Variants in PABIR3 observed in about 807,000 individuals in gnomAD.
PABIR3 encodes PABIR family member 1.
Under a neutral mutation model 23.1 loss-of-function variants are expected in PABIR3, and 20 were observed. The observed-to-expected ratio is 0.86, with a 90% CI of 0.61 to 1.26. PABIR3 has a LOEUF of 1.26. Among genes scored for constraint, PABIR3 ranks in the 50% most tolerant of loss-of-function variants. The probability of loss-of-function intolerance (pLI) is 0.00; values close to 1 mark genes in which losing one functional copy is unlikely to be tolerated. For missense variants in PABIR3, 189 were observed against 195.4 expected (o/e 0.97, Z 0.20); for synonymous variants, 69 against 68.5 (o/e 1.01, Z -0.04).
chrX:134,814,328 A>ATG (rs1352853829), intron 2 of PABIR3, among the ~76,000 whole-genome samples: 2 of 111,640 alleles, frequency 1.8e-5, no homozygotes, highest in African/African-American at 6.5e-5. Context: ...CCAAGGCTGT[A>ATG]TGTGTGTGTG....
At chrX:134,819,870 G>C (rs1307783764) in intron 3 of PABIR3, among the ~76,000 whole-genome samples, 3 of 111,563 alleles carry the variant, frequency 2.7e-5, no homozygotes, top group African/African-American at 9.8e-5. Flanking sequence ...GGGTGACAGA[G>C]TAAGACTCTG....
At chrX:134,822,133 C>T (rs1209749373) in intron 3 of PABIR3, 1 of 752,093 alleles carries the variant, frequency 1.3e-6, no homozygotes, top group Non-Finnish European at 1.6e-6. Context: ...GGTGCTGATA[C>T]TCTTGGTTCC....
At chrX:134,821,516 C>CA in intron 3 of PABIR3, 1 of 1,152,395 alleles carries the variant, frequency 8.7e-7, no homozygotes, top group Non-Finnish European at 1.1e-6. Context: ...GTCACTTCTC[C>CA]ATCCCCACCC....
chrX:134,859,525 C>G (rs1457064820), downstream of PABIR3, among the ~76,000 whole-genome samples: 1 of 111,173 alleles, frequency 9.0e-6, no homozygotes, highest in African/African-American at 3.3e-5. Flanking sequence ...ACAGCACTCA[C>G]CATAAAATTT....
rs1319639991 is a variant in PABIR3, at chrX:134,854,758, A to G, written c.*541A>G. ...TTGCTTATTTTGCACATGAATCCTT[A>G]GATATTCAATTTGTTGGGAAGCAGT... On this transcript the variant is annotated 3_prime_UTR_variant, in exon 11 of 11. Transcript: ENST00000645433. 1 of 112,250 alleles carries G rather than the reference A, an allele frequency of 8.9e-6. No homozygotes were observed. Among genetic ancestry groups the G allele is most frequent in the African/African-American group, 3.2e-5 (1 of 30,916 alleles). The allele number at this position is 112,250 out of a possible 1,213,427, so 9.3% of individuals were successfully genotyped here. A position where few individuals can be genotyped will look rare whatever the true frequency, so the allele number is the denominator to read the frequency against.
intron 1 of PABIR3, 39 bp from the exon 2 acceptor site, chrX:134,807,501 C>G (rs775673719): frequency 4.6e-5 from 54 of 1,162,816 alleles, no homozygotes; most frequent in Middle Eastern, 4.8e-4. Flanking sequence ...CTCTTTTTCC[C>G]CTTTGCCTCT....
At chrX:134,801,040 T>C (rs1416904136) in intron 1 of PABIR3, among the ~76,000 whole-genome samples, 1 of 112,243 alleles carries the variant, frequency 8.9e-6, no homozygotes, top group Non-Finnish European at 1.9e-5. Context: ...CCAGGCGCCA[T>C]TGTGATAGGG....
At chrX:134,847,521 G>T in intron 7 of PABIR3, 46 bp downstream of exon 7, 1 of 942,142 alleles carries the variant, frequency 1.1e-6, no homozygotes, top group Non-Finnish European at 1.5e-6. Flanking sequence ...AAATAGTTAG[G>T]AAATATTTAG....
At chrX:134,841,122 C>T (rs769933161) in intron 4 of PABIR3, among the ~76,000 whole-genome samples, 4 of 109,345 alleles carry the variant, frequency 3.7e-5, no homozygotes, top group Middle Eastern at 9.3e-3. Context: ...CACATGTGCC[C>T]GGCTAATTTT....
the PABIR3 span, among the ~76,000 whole-genome samples, chrX:134,862,140 C>CTT: frequency 1.3e-5 from 1 of 75,615 alleles, no homozygotes; most frequent in Non-Finnish European, 2.5e-5. Flanking sequence ...GTTTTATTGG[C>CTT]TGTTTTTTTT....
chrX:134,862,383 C>T, the PABIR3 span, among the ~76,000 whole-genome samples: 1 of 111,077 alleles, frequency 9.0e-6, no homozygotes, highest in African/African-American at 3.3e-5. Context: ...CTCCTGACTT[C>T]AGGTGATCTG....
intron 4 of PABIR3, among the ~76,000 whole-genome samples, chrX:134,840,943 G>A (rs182713324): frequency 9.2e-6 from 1 of 109,014 alleles, no homozygotes; most frequent in Admixed American, 1.0e-4. Flanking sequence ...TGAAGGACTA[G>A]GTCAAATATT....
chrX:134,829,083 T>C (rs947135067), intron 3 of PABIR3, 143 bp from the exon 4 acceptor site: 1 of 479,186 alleles, frequency 2.1e-6, no homozygotes, highest in Non-Finnish European at 3.6e-6. Flanking sequence ...GATCTTTTTT[T>C]AACTTTGAAC....
chrX:134,842,390 CG>C (rs1401821070), intron 4 of PABIR3, among the ~76,000 whole-genome samples: 6 of 110,251 alleles, frequency 5.4e-5, no homozygotes, highest in African/African-American at 2.0e-4. Context: ...GGGTGGATCA[CG>C]AGGTCAGGAG....
chrX:134,827,227 G>A (rs1433219635), intron 3 of PABIR3, among the ~76,000 whole-genome samples: 2 of 110,830 alleles, frequency 1.8e-5, no homozygotes, highest in Non-Finnish European at 3.8e-5. Flanking sequence ...TCCCCCTCCC[G>A]AAGTGCTGGG....
chrX:134,848,656 T>G (rs1433804482), intron 8 of PABIR3, among the ~76,000 whole-genome samples: 2 of 111,886 alleles, frequency 1.8e-5, no homozygotes. Flanking sequence ...CCTTGAGAAT[T>G]AGAAGATAGT....
upstream of PABIR3, among the ~76,000 whole-genome samples, chrX:134,805,183 A>T (rs758281062): frequency 8.9e-6 from 1 of 111,847 alleles, no homozygotes; most frequent in South Asian, 3.7e-4. Flanking sequence ...TTTGCCACTT[A>T]GTAGTTGCAA....
chrX:134,805,131 A>AT (rs942791590), upstream of PABIR3, among the ~76,000 whole-genome samples: 218 of 107,240 alleles, frequency 2.0e-3, 4 homozygotes, highest in East Asian at 0.039. Context: ...GAGGCATCTC[A>AT]TTTTTTTTTT....
downstream of PABIR3, among the ~76,000 whole-genome samples, chrX:134,856,615 A>G (rs1344899432): frequency 1.8e-5 from 2 of 112,098 alleles, no homozygotes; most frequent in Non-Finnish European, 3.8e-5. Context: ...GAGCTTGTGT[A>G]TTGGGAGGAT....
Sources: gnomAD v4.1 joint callset for allele counts (sites outside exome capture counted in the v4.1 genomes callset) on GRCh38, gnomAD v4.1.1 for gene constraint, MANE v1.5 for transcripts, NCBI Gene and HGNC (gene_info 2026-07-23, HGNC 2026-07-21) for gene names.